LBR: variants seen among roughly 807,000 people sequenced by gnomAD.
LBR encodes the protein delta(14)-sterol reductase LBR.
A neutral mutation model predicts 74.3 loss-of-function variants in LBR; 28 were observed. The observed-to-expected ratio is 0.38, with a 90% CI of 0.28 to 0.52. LBR has a LOEUF of 0.52. Among genes scored for constraint, LBR ranks in the 20% least tolerant of loss-of-function variants. LBR has a pLI of 0.89. For missense variants in LBR, 717 were observed against 760.3 expected (o/e 0.94, Z 0.67); for synonymous variants, 228 against 269.3 (o/e 0.85, Z 1.50).
At chr1:225,415,211 A>G (rs2096114701) in intron 7 of LBR, 67 bp downstream of exon 7, 1 of 1,070,510 alleles carries the variant, frequency 9.3e-7, no homozygotes, top group Admixed American at 2.0e-5. Flanking sequence ...AGCTTTAACA[A>G]AGAGTTTAAC....
At chr1:225,423,453 C>A (rs571366718) in intron 2 of LBR, among the ~76,000 whole-genome samples, 4 of 152,124 alleles carry the variant, frequency 2.6e-5, no homozygotes, top group South Asian at 4.1e-4. Flanking sequence ...CCTACCACCC[C>A]CTTCCAGCAC....
chr1:225,410,135 G>A (rs527607499), intron 10 of LBR, among the ~76,000 whole-genome samples, 156 bp downstream of exon 10: 3 of 152,262 alleles, frequency 2.0e-5, no homozygotes, highest in Non-Finnish European at 4.4e-5. Context: ...GTGCTCCCTC[G>A]TCAGCTTCAC....
intron 2 of LBR, among the ~76,000 whole-genome samples, chr1:225,422,602 G>A (rs1444698811): frequency 2.0e-5 from 3 of 150,558 alleles, no homozygotes; most frequent in African/African-American, 7.3e-5. Flanking sequence ...TTAAAACTGA[G>A]ACGACAGGAC....
chr1:225,412,417 G>A lies in LBR; in HGVS notation c.1084+37C>T, dbSNP rs1264264295. 5 of 1,590,554 alleles carry A rather than the reference G, an allele frequency of 3.1e-6. No individual in the cohort carries two copies. In the African/African-American group the frequency reaches 5.4e-5, roughly 17 times the overall value. ...GGAAATGGCTGCTGGAGGGCTCTGG[G>A]ACGCATTCATCCAACATGCAATTCA... is the stretch of plus-strand genomic sequence containing the variant. On this transcript the variant is annotated intron_variant, in intron 8 of 13. Coordinates refer to ENST00000272163, the MANE Select transcript of LBR (RefSeq NM_002296.4).
At chr1:225,428,269 C>T (rs1233311673), upstream of LBR, among the ~76,000 whole-genome samples, 2 of 152,028 alleles carry the variant, frequency 1.3e-5, no homozygotes, top group African/African-American at 4.8e-5. Flanking sequence ...GGCCGGTGAG[C>T]GGGGGAAACC....
In LBR at chr1:225,410,372, C is replaced by G. The variant is rs773349855; in HGVS notation, c.1233G>C (p.Gln411His). 6.2e-7 allele frequency: 1 copy of G among 1,614,156 alleles called. No individual in the cohort carries two copies. The highest frequency in any genetic ancestry group is 8.5e-7 in the Non-Finnish European group (1 of 1,180,028). ...LVMLLAEMKI[Q>H]DRAVPSLAMI... ...TGGCCAAGGATGGAACAGCGCGGTC[C>G]TGTATTTTCATTTCAGCCAAAAGCA... Residue 411 changes from glutamine (Q) to histidine (H), a missense_variant, in exon 10 of 14, where the codon CAG becomes CAC. Transcript: ENST00000272163.
At position 225,416,213 on chromosome 1, in the gene LBR, A is replaced by AG. The variant is rs1006790569; in HGVS notation, c.838-882_838-881insC. Among the ~76,000 whole-genome samples, 311 of 137,804 alleles carry AG rather than the reference A, an allele frequency of 2.3e-3. 3 individuals carry two copies. The highest frequency in any genetic ancestry group is 0.019 in the East Asian group (88 of 4,552). 90.4% of individuals were successfully genotyped at this position (137,804 alleles called of 152,430 possible). A position where few individuals can be genotyped will look rare whatever the true frequency, so the allele number is the denominator to read the frequency against. On this transcript the variant is annotated intron_variant, in intron 6 of 13. Coordinates refer to ENST00000272163, the MANE Select transcript of LBR (RefSeq NM_002296.4). ...CCCTGTCTCAAGAAAAAAAAAAAAA[A>AG]AGAGAGAGAGAGAGAGAGACTGTGA...
At chr1:225,421,800 C>T (rs1230825112) in intron 3 of LBR, among the ~76,000 whole-genome samples, 1 of 152,182 alleles carries the variant, frequency 6.6e-6, no homozygotes, top group Non-Finnish European at 1.5e-5. Flanking sequence ...AAAAACCTTA[C>T]GCAGTTCAAT....
chr1:225,419,489 A>T (rs372583084), intron 4 of LBR, 37 bp from the exon 5 acceptor site: 110 of 1,395,102 alleles, frequency 7.9e-5, no homozygotes, highest in Non-Finnish European at 1.1e-4. Flanking sequence ...ATCTGCAGTG[A>T]ACAATTACCA....
rs2096084658 is a variant in LBR at position 225,403,233 on chromosome 1, A to AT, written c.*69dup. Reference sequence around the variant, plus strand: ...TCAGTGCAACAAAAGAAAGTTTCGGATTTTTTTCCTTGTTTTTGCAAATGG... The same window carrying AT: ...TCAGTGCAACAAAAGAAAGTTTCGGATTTTTTTTCCTTGTTTTTGCAAATGG... On this transcript the variant is annotated 3_prime_UTR_variant, in exon 14 of 14. Transcript: ENST00000272163. 2 of 1,510,842 alleles carry AT rather than the reference A, an allele frequency of 1.3e-6. No individual in the cohort carries two copies. The highest frequency in any genetic ancestry group is 1.8e-6 in the Non-Finnish European group (2 of 1,086,456). The allele number at this position is 1,510,842 out of a possible 1,614,324, so 93.6% of individuals were successfully genotyped here. A position where few individuals can be genotyped will look rare whatever the true frequency, so the allele number is the denominator to read the frequency against.
intron 3 of LBR, among the ~76,000 whole-genome samples, chr1:225,420,802 TACTC>T (rs1426185042): frequency 1.3e-5 from 2 of 151,128 alleles, no homozygotes; most frequent in East Asian, 1.9e-4. Context: ...AAAATTATAA[TACTC>T]AGAATGAGAA....
chr1:225,422,205 A>G lies in LBR; in HGVS notation c.238T>C (p.Ser80Pro). 1 of 1,613,976 alleles carries G rather than the reference A, an allele frequency of 6.2e-7. No homozygotes were observed. Among genetic ancestry groups the G allele is most frequent in the Non-Finnish European group, 8.5e-7 (1 of 1,180,020 alleles). ...SSPSRRRGSRSRSRSRSPGRP... is the reference protein window; with the variant it reads ...SSPSRRRGSRPRSRSRSPGRP... The stretch of plus-strand genomic sequence containing the variant: ...CCAGGGGATCGGGAGCGTGACCTTG[A>G]TCGACTCCCTCGGCGTCTGGAAGGG... Residue 80 changes from serine (S) to proline (P), a missense_variant, in exon 3 of 14, where the codon TCA becomes CCA. By Grantham distance (74) the Ser-to-Pro change is moderately conservative. Transcript: ENST00000272163.
chr1:225,419,211 C>A (rs956270728), intron 5 of LBR, 52 bp downstream of exon 5: 1 of 1,571,422 alleles, frequency 6.4e-7, no homozygotes, highest in Non-Finnish European at 8.8e-7. Flanking sequence ...CTTGTGGCAA[C>A]CACCCCTAGC....
At chr1:225,408,518 G>T (rs1026886640) in intron 10 of LBR, among the ~76,000 whole-genome samples, 2 of 152,210 alleles carry the variant, frequency 1.3e-5, no homozygotes, top group African/African-American at 4.8e-5. Flanking sequence ...CAGAGGAAGG[G>T]TCATGCATAT....
Position 225,406,676 on chromosome 1 carries a change from T to C in LBR, c.1471A>G (p.Ile491Val), listed in dbSNP as rs886046052. The C allele has an allele frequency of 1.2e-6, 2 of 1,611,260 alleles. No individual in the cohort carries two copies. Among genetic ancestry groups the C allele is most frequent in the Non-Finnish European group, 1.7e-6 (2 of 1,179,164 alleles). ...EVSWPMASLI[I>V]VLKLCGYVIF... is the part of the protein sequence containing the mutation. ...AATTAATACTCACGTTTCAGAACAA[T>C]AATTAGAGAAGCCATTGGCCAAGAC... The change falls in exon 11 of 14, where the codon ATT becomes GTT. Residue 491 changes from isoleucine (I) to valine (V), a missense_variant. Transcript: ENST00000272163.
At chr1:225,410,571 C>A (rs1050724510) in intron 9 of LBR, among the ~76,000 whole-genome samples, 155 bp from the exon 10 acceptor site, 2 of 152,204 alleles carry the variant, frequency 1.3e-5, no homozygotes, top group Non-Finnish European at 2.9e-5. Context: ...CACCATGGGC[C>A]CCTGGACCCA....
In LBR at chr1:225,422,250, C is replaced by G; in HGVS notation, c.193G>C (p.Gly65Arg). 1 of 1,613,708 alleles carries G rather than the reference C, an allele frequency of 6.2e-7. No individual in the cohort carries two copies. The highest frequency in any genetic ancestry group is 8.5e-7 in the Non-Finnish European group (1 of 1,180,020). The change falls in exon 3 of 14, where the codon GGT becomes CGT. Residue 65 changes from glycine (G) to arginine (R), a missense_variant. Physicochemically the swap from Gly to Arg is moderately radical, Grantham distance 125 (BLOSUM62 -2). Coordinates refer to ENST00000272163, the MANE Select transcript of LBR (RefSeq NM_002296.4). ...GAAGGGGAACTGGAAGTTGAGCCAC[C>G]TTTCCTTTGCCTAAAGGAAGTTAAA... is the stretch of plus-strand genomic sequence containing the variant. ...KPLTSFRQRKGGSTSSSPSRR... is the reference protein window; with the variant it reads ...KPLTSFRQRKRGSTSSSPSRR...
At chr1:225,422,827 G>A (rs1287202193) in intron 2 of LBR, among the ~76,000 whole-genome samples, 1 of 152,180 alleles carries the variant, frequency 6.6e-6, no homozygotes, top group Non-Finnish European at 1.5e-5. Flanking sequence ...TTTTTGTGTG[G>A]CCTTCCTACT....
At chr1:225,414,555 G>A (rs1211901614) in intron 7 of LBR, among the ~76,000 whole-genome samples, 1 of 152,144 alleles carries the variant, frequency 6.6e-6, no homozygotes, top group Admixed American at 6.5e-5. Flanking sequence ...GACCCACAGG[G>A]AGCAAGGTCT....
Sources: allele counts gnomAD v4.1 joint callset (sites outside exome capture counted in the v4.1 genomes callset), GRCh38; gene constraint gnomAD v4.1.1; transcripts MANE v1.5; gene names NCBI Gene and HGNC (gene_info 2026-07-23, HGNC 2026-07-21).